The following DOCK7 variants were observed in gnomAD, a reference collection of about 807,000 sequenced individuals.
The protein encoded by DOCK7 is dedicator of cytokinesis 7.
In DOCK7, 138 loss-of-function variants were observed where a neutral mutation model predicts 271.0. The ratio of observed to expected loss-of-function variants is 0.51; its 90% CI spans 0.44 to 0.59. The LOEUF (loss-of-function observed/expected upper bound fraction) is 0.59. DOCK7 is among the 20% of genes least tolerant of loss of function. The pLI is 0.00. For synonymous variants in DOCK7, 823 were observed against 876.1 expected (o/e 0.94, Z 1.07); for missense variants, 2,066 against 2,592.4 (o/e 0.80, Z 4.41).
intron 1 of DOCK7, among the ~76,000 whole-genome samples, chr1:62,682,165 A>G (rs1661245022): frequency 6.6e-6 from 1 of 152,224 alleles, no homozygotes; most frequent in Non-Finnish European, 1.5e-5. Context: ...ACAAGTCAAC[A>G]AAAGGAGGAC....
chr1:62,540,798 TA>T (rs1392632438), intron 25 of DOCK7, among the ~76,000 whole-genome samples: 1 of 152,198 alleles, frequency 6.6e-6, no homozygotes, highest in Non-Finnish European at 1.5e-5. Context: ...GTCTTTTGAC[TA>T]TTTTGTATTT....
Position 62,559,182 on chromosome 1 carries a change from A to G in DOCK7, c.2238T>C (p.Ala746=), listed in dbSNP as rs756563206. The change falls in exon 20 of 50, where the codon GCT becomes GCC. Residue 746 remains alanine, a synonymous_variant. Transcript: ENST00000635253. The part of the protein sequence containing the change: ...YLDKFFALVN[A]LDEHLFPVRI... ...GGACTGGGAACAGGTGTTCATCCAGAGCATTGACCAGAGCAAAAAATTTGT... is the reference window on the plus strand; with the variant it reads ...GGACTGGGAACAGGTGTTCATCCAGGGCATTGACCAGAGCAAAAAATTTGT... The G allele has an allele frequency of 2.5e-6, 4 of 1,613,484 alleles. No homozygotes were observed. Among genetic ancestry groups the G allele is most frequent in the African/African-American group, 2.7e-5 (2 of 74,912 alleles).
chr1:62,664,965 G>A (rs774538255), intron 1 of DOCK7, among the ~76,000 whole-genome samples: 8 of 152,058 alleles, frequency 5.3e-5, no homozygotes, highest in Non-Finnish European at 8.8e-5. Flanking sequence ...AGGAACATTC[G>A]CTTCAGTTTA....
At chr1:62,633,754 G>A (rs761081402) in intron 9 of DOCK7, 176 bp from the exon 10 acceptor site, 6 of 530,556 alleles carry the variant, frequency 1.1e-5, no homozygotes, top group East Asian at 3.1e-5. Flanking sequence ...TGGCAGAAAC[G>A]CTCAACAAAG....
Position 62,619,812 on chromosome 1 carries a change from T to TA in DOCK7, c.1519+87dup, listed in dbSNP as rs34571440. 0.5 allele frequency: 309,427 copies of TA among 616,310 alleles called. 58,099 individuals are homozygous for TA. Among genetic ancestry groups the TA allele is most frequent in the African/African-American group, 0.7 (34,481 of 49,458 alleles). 38.2% of individuals were successfully genotyped at this position (616,310 alleles called of 1,614,324 possible). On this transcript the variant is annotated intron_variant, in intron 13 of 49. Transcript: ENST00000635253. ...TAGAAAAATGTCTGGGCCAGATAAA[T>TA]AAAAAAAAAAGATACATAATTATAA... is the stretch of plus-strand genomic sequence containing the variant.
chr1:62,528,933 T>C (rs985357329), intron 30 of DOCK7, among the ~76,000 whole-genome samples: 6 of 152,210 alleles, frequency 3.9e-5, no homozygotes, highest in South Asian at 2.1e-4. Flanking sequence ...ATTTTATATA[T>C]ATGAATCAAG....
chr1:62,533,788 C>G (rs539493107), intron 29 of DOCK7, among the ~76,000 whole-genome samples: 1 of 152,118 alleles, frequency 6.6e-6, no homozygotes, highest in Non-Finnish European at 1.5e-5. Flanking sequence ...TGACATACCT[C>G]CTCTTTTATT....
At chr1:62,498,601 T>G (rs371866235) in intron 37 of DOCK7, among the ~76,000 whole-genome samples, 2 of 151,820 alleles carry the variant, frequency 1.3e-5, no homozygotes, top group African/African-American at 4.8e-5. Context: ...TGAACATCAC[T>G]TTCTAATCCT....
chr1:62,489,083 G>A lies in DOCK7; in HGVS notation c.5362-18C>T, dbSNP rs757262505. On this transcript the variant is annotated intron_variant, in intron 41 of 49. Transcript: ENST00000635253. ...ATGCCAGCCTATAAGAAAAAATTTT[G>A]TTAAGATGTTGCTTTCTTTTACATC... The A allele has an allele frequency of 6.9e-5, 106 of 1,544,208 alleles. No homozygotes were observed. Among genetic ancestry groups the A allele is most frequent in the Non-Finnish European group, 8.3e-5 (95 of 1,148,642 alleles).
chr1:62,625,142 T>C, intron 12 of DOCK7, 117 bp downstream of exon 12: 1 of 871,746 alleles, frequency 1.1e-6, no homozygotes, highest in East Asian at 2.6e-5. Flanking sequence ...TTCTTAAAGT[T>C]TTTAAGTTTC....
At chr1:62,595,834 G>A (rs1297117331) in intron 14 of DOCK7, among the ~76,000 whole-genome samples, 5 of 152,068 alleles carry the variant, frequency 3.3e-5, no homozygotes, top group South Asian at 2.1e-4. Flanking sequence ...GAGACAGAGG[G>A]AGGAGGCTTG....
At chr1:62,462,352 C>A (rs888926812) in intron 48 of DOCK7, among the ~76,000 whole-genome samples, 1 of 152,086 alleles carries the variant, frequency 6.6e-6, no homozygotes. Flanking sequence ...TTCAACAAAA[C>A]AAGGTGAGAG....
chr1:62,534,214 G>A (rs1215928960), intron 29 of DOCK7, among the ~76,000 whole-genome samples: 1 of 152,036 alleles, frequency 6.6e-6, no homozygotes, highest in Non-Finnish European at 1.5e-5. Flanking sequence ...CAGCCAGGCT[G>A]GTCTCGAACT....
chr1:62,613,063 T>C (rs893736043), intron 14 of DOCK7, among the ~76,000 whole-genome samples: 6 of 152,170 alleles, frequency 3.9e-5, no homozygotes, highest in South Asian at 2.1e-4. Flanking sequence ...AAGTAAAAAT[T>C]TGGAACACAA....
rs1378845606 is a variant in DOCK7 at position 62,555,074 on chromosome 1, ATTAG to A, written c.2596+747_2596+750del. On this transcript the variant is annotated intron_variant, in intron 21 of 49. Transcript: ENST00000635253. The stretch of plus-strand genomic sequence containing the variant: ...GTTAAATGATACGCACAACATAATC[ATTAG>A]TTAGTTAAATGAACAACCAAAGGAT... Among the ~76,000 whole-genome samples the A allele has an allele frequency of 3.3e-5, 5 of 152,346 alleles. No individual in the cohort carries two copies. In the South Asian group the frequency reaches 6.2e-4, roughly 19 times the overall value.
At chr1:62,466,795 C>A (rs1645689914) in intron 48 of DOCK7, among the ~76,000 whole-genome samples, 1 of 151,978 alleles carries the variant, frequency 6.6e-6, no homozygotes. Flanking sequence ...GTGGTGGGCA[C>A]CTATAATCCC....
At chr1:62,646,169 C>CAA (rs199557710) in intron 7 of DOCK7, among the ~76,000 whole-genome samples, 199 of 133,086 alleles carry the variant, frequency 1.5e-3, no homozygotes, top group African/African-American at 4.7e-3. Flanking sequence ...AAAAAAAAAA[C>CAA]AAAAAAAAAA....
intron 37 of DOCK7, among the ~76,000 whole-genome samples, chr1:62,500,749 T>C (rs745968687): frequency 1.3e-5 from 2 of 152,216 alleles, no homozygotes; most frequent in African/African-American, 4.8e-5. Flanking sequence ...CTTTTTTTCC[T>C]ATGAGGTGTT....
intron 18 of DOCK7, among the ~76,000 whole-genome samples, chr1:62,566,945 A>G (rs1646536326): frequency 6.6e-6 from 1 of 152,260 alleles, no homozygotes. Flanking sequence ...ACATGAAAAA[A>G]TGCTCATCAT....
Sources: gnomAD v4.1 joint callset for allele counts (sites outside exome capture counted in the v4.1 genomes callset) on GRCh38, gnomAD v4.1.1 for gene constraint, MANE v1.5 for transcripts, NCBI Gene and HGNC (gene_info 2026-07-23, HGNC 2026-07-21) for gene names.